Variants in TP63 observed in about 807,000 individuals in gnomAD.
TP63 encodes tumor protein 63.
TP63 carries 17 observed loss-of-function variants against 82.8 expected under a neutral mutation model. The observed-to-expected ratio is 0.21, with a 90% CI of 0.14 to 0.31. The LOEUF (loss-of-function observed/expected upper bound fraction) is 0.31, where lower values mean the gene tolerates loss of function less well. TP63 is among the 10% of genes least tolerant of loss of function. The pLI, the probability that TP63 is intolerant of heterozygous loss-of-function variation, is 1.00. For synonymous variants in TP63, 330 were observed against 321.7 expected (o/e 1.03, Z -0.28); for missense variants, 648 against 895.3 (o/e 0.72, Z 3.52).
chr3:189,795,812 G>A (rs1725642080), intron 3 of TP63, among the ~76,000 whole-genome samples: 1 of 152,030 alleles, frequency 6.6e-6, no homozygotes, highest in Admixed American at 6.6e-5. Context: ...GGGATGATGA[G>A]TGACATCTTG....
intron 10 of TP63, among the ~76,000 whole-genome samples, chr3:189,877,078 T>G (rs1044532792): frequency 6.6e-6 from 1 of 152,228 alleles, no homozygotes; most frequent in Non-Finnish European, 1.5e-5. Flanking sequence ...TGGTTTTTCT[T>G]TTTAAAAAAA....
intron 3 of TP63, among the ~76,000 whole-genome samples, chr3:189,741,405 G>A (rs1248206137): frequency 1.3e-5 from 2 of 151,716 alleles, no homozygotes; most frequent in East Asian, 3.9e-4. Flanking sequence ...AAAGTAGGGA[G>A]TAGGATCCTT....
At chr3:189,769,526 T>C (rs2108553790) in intron 3 of TP63, among the ~76,000 whole-genome samples, 1 of 152,360 alleles carries the variant, frequency 6.6e-6, no homozygotes, top group East Asian at 1.9e-4. Flanking sequence ...TTTCTTGGTA[T>C]TCTTCCACTT....
At chr3:189,714,533 T>C (rs1718818497) in intron 1 of TP63, among the ~76,000 whole-genome samples, 1 of 152,220 alleles carries the variant, frequency 6.6e-6, no homozygotes, top group African/African-American at 2.4e-5. Context: ...AAGTTTCTTT[T>C]CTGTCCATCC....
chr3:189,757,241 C>T (rs923552385), intron 3 of TP63, among the ~76,000 whole-genome samples: 1 of 152,158 alleles, frequency 6.6e-6, no homozygotes, highest in Non-Finnish European at 1.5e-5. Context: ...GGGCTACACC[C>T]AACTTTCTGG....
intron 10 of TP63, chr3:189,879,958 A>G (rs917299345): frequency 6.2e-6 from 9 of 1,458,228 alleles, no homozygotes; most frequent in South Asian, 3.0e-5. Context: ...TATTCTGTCT[A>G]TACTATGATC....
intron 1 of TP63, 94 bp from the exon 2 acceptor site, chr3:189,737,646 C>A: frequency 1.4e-6 from 2 of 1,434,512 alleles, no homozygotes; most frequent in Non-Finnish European, 2.0e-6. Flanking sequence ...TATAGATTCA[C>A]TTGATGTTTT....
At chr3:189,633,718 A>C (rs1210606161) in intron 1 of TP63, among the ~76,000 whole-genome samples, 1 of 152,110 alleles carries the variant, frequency 6.6e-6, no homozygotes, top group Admixed American at 6.6e-5. Flanking sequence ...GGGAGCAATT[A>C]TTTGCCTAAT....
chr3:189,652,649 C>A (rs1920275), intron 1 of TP63, among the ~76,000 whole-genome samples: 1 of 145,136 alleles, frequency 6.9e-6, no homozygotes, highest in Non-Finnish European at 1.5e-5. Flanking sequence ...GGGCACAGTG[C>A]AGAATGATAT....
At chr3:189,814,338 T>C (rs1185123556) in intron 4 of TP63, among the ~76,000 whole-genome samples, 1 of 152,204 alleles carries the variant, frequency 6.6e-6, no homozygotes, top group Non-Finnish European at 1.5e-5. Context: ...GTGGAAGCAC[T>C]TCCCCCATTA....
At chr3:189,726,003 C>T (rs9942065) in intron 1 of TP63, among the ~76,000 whole-genome samples, 56,224 of 146,330 alleles carry the variant, frequency 0.38, 10,984 homozygotes, top group African/African-American at 0.51. Flanking sequence ...TGCAGTGAGC[C>T]GAGATCATGC....
chr3:189,828,934 T>C (rs1711868930), intron 4 of TP63, among the ~76,000 whole-genome samples: 1 of 152,200 alleles, frequency 6.6e-6, no homozygotes, highest in African/African-American at 2.4e-5. Flanking sequence ...TTATTATAAA[T>C]AGCAGTACCA....
At chr3:189,754,477 A>G (rs1042533316) in intron 3 of TP63, among the ~76,000 whole-genome samples, 3 of 152,200 alleles carry the variant, frequency 2.0e-5, no homozygotes, top group African/African-American at 7.2e-5. Context: ...TGAACATATC[A>G]GTGGCCTACT....
intron 4 of TP63, among the ~76,000 whole-genome samples, chr3:189,860,740 A>G (rs749468366): frequency 6.6e-6 from 1 of 152,186 alleles, no homozygotes; most frequent in Non-Finnish European, 1.5e-5. Flanking sequence ...CTGAAAAGTG[A>G]TATCTGAATT....
intron 1 of TP63, among the ~76,000 whole-genome samples, chr3:189,663,136 G>A (rs2108656840): frequency 6.6e-6 from 1 of 152,154 alleles, no homozygotes; most frequent in East Asian, 1.9e-4. Flanking sequence ...TTTGTAGCTG[G>A]GGTATTAATT....
intron 10 of TP63, among the ~76,000 whole-genome samples, 173 bp from the exon 11 acceptor site, chr3:189,886,220 AT>A (rs1720430309): frequency 6.6e-6 from 1 of 152,212 alleles, no homozygotes; most frequent in African/African-American, 2.4e-5. Context: ...GTTTCTCCCT[AT>A]TCAGGAAATA....
intron 1 of TP63, among the ~76,000 whole-genome samples, chr3:189,651,924 G>T (rs1320360445): frequency 6.8e-6 from 1 of 147,192 alleles, no homozygotes; most frequent in Non-Finnish European, 1.5e-5. Flanking sequence ...TGTTGGTCCT[G>T]TTGGTGCTCA....
At chr3:189,607,774 TG>T in the TP63 span, among the ~76,000 whole-genome samples, 2 of 152,226 alleles carry the variant, frequency 1.3e-5, no homozygotes, top group Admixed American at 1.3e-4. Context: ...CATAGAACAG[TG>T]GATAGGTATT....
chr3:189,747,694 C>T (rs1721481981), intron 3 of TP63, among the ~76,000 whole-genome samples: 1 of 151,644 alleles, frequency 6.6e-6, no homozygotes, highest in South Asian at 2.1e-4. Context: ...CAAGAACAAA[C>T]CAGATAGAAA....
Sources: allele counts gnomAD v4.1 joint callset (sites outside exome capture counted in the v4.1 genomes callset), GRCh38; gene constraint gnomAD v4.1.1; transcripts MANE v1.5; gene names NCBI Gene and HGNC (gene_info 2026-07-23, HGNC 2026-07-21).